GPATCH2: variants seen among roughly 807,000 people sequenced by gnomAD.
GPATCH2 encodes the protein G-patch domain containing 2.
GPATCH2 carries 51 observed loss-of-function variants against 58.0 expected under a neutral mutation model. The ratio of observed to expected loss-of-function variants is 0.88; its 90% CI spans 0.70 to 1.11. The LOEUF is 1.11. Among genes scored for constraint, GPATCH2 ranks in the 50% most tolerant of loss-of-function variants. The pLI, the probability that GPATCH2 is intolerant of heterozygous loss-of-function variation, is 0.00. For synonymous variants in GPATCH2, 222 were observed against 218.5 expected (o/e 1.02, Z -0.14); for missense variants, 625 against 652.2 (o/e 0.96, Z 0.45).
At chr1:217,565,663 G>C (rs1297811001) in intron 5 of GPATCH2, among the ~76,000 whole-genome samples, 1 of 152,058 alleles carries the variant, frequency 6.6e-6, no homozygotes, top group Non-Finnish European at 1.5e-5. Context: ...TAACTATTAA[G>C]ACAATTCATC....
chr1:217,533,188 C>A (rs988625686), intron 5 of GPATCH2, among the ~76,000 whole-genome samples: 15 of 151,868 alleles, frequency 9.9e-5, no homozygotes, highest in African/African-American at 3.4e-4. Flanking sequence ...GAATTACAGG[C>A]ATAAACCACC....
intron 9 of GPATCH2, among the ~76,000 whole-genome samples, chr1:217,437,374 C>T (rs1256393836): frequency 1.3e-5 from 2 of 152,088 alleles, no homozygotes; most frequent in African/African-American, 2.4e-5. Context: ...GGAATGACAG[C>T]GAGACACAAC....
intron 5 of GPATCH2, among the ~76,000 whole-genome samples, chr1:217,578,097 C>T (rs1303391743): frequency 1.1e-4 from 9 of 82,138 alleles, no homozygotes; most frequent in East Asian, 3.3e-4. Flanking sequence ...GGGCGGGGGG[C>T]GGGGATCACA....
intron 9 of GPATCH2, among the ~76,000 whole-genome samples, chr1:217,437,748 T>TA (rs1225550687): frequency 1.3e-5 from 2 of 152,062 alleles, no homozygotes; most frequent in Non-Finnish European, 2.9e-5. Context: ...GGCTTATAGA[T>TA]AAAAAACCCC....
rs1665707107 is a variant in GPATCH2 at position 217,557,584 on chromosome 1, G to C, written c.1099-42695C>G. Among the ~76,000 whole-genome samples the C allele has an allele frequency of 2.0e-5, 3 of 152,052 alleles. No homozygotes were observed. The South Asian group carries it at 6.2e-4, about 32-fold the overall frequency. On this transcript the variant is annotated intron_variant, in intron 5 of 9. Coordinates refer to ENST00000366935, the MANE Select transcript of GPATCH2 (RefSeq NM_018040.5). The stretch of plus-strand genomic sequence containing the variant: ...CACATTTCTGTATTAAACCCACTTG[G>C]AATCAATTTTTGTATGTGCTATCAG...
intron 5 of GPATCH2, among the ~76,000 whole-genome samples, chr1:217,587,808 C>T (rs542019972): frequency 1.3e-5 from 2 of 152,150 alleles, no homozygotes; most frequent in South Asian, 2.1e-4. Context: ...AGTAGGACGA[C>T]TAAAATACAT....
intron 5 of GPATCH2, among the ~76,000 whole-genome samples, chr1:217,600,135 AT>A (rs1388811107): frequency 6.6e-6 from 1 of 152,178 alleles, no homozygotes; most frequent in Non-Finnish European, 1.5e-5. Context: ...TAAGAGGAAG[AT>A]TAATGGCACA....
intron 8 of GPATCH2, among the ~76,000 whole-genome samples, chr1:217,488,893 C>T (rs1661583660): frequency 1.3e-5 from 2 of 151,052 alleles, no homozygotes; most frequent in Admixed American, 1.3e-4. Flanking sequence ...CAGAGTCTTG[C>T]ATGTTGCCCA....
chr1:217,576,077 T>C (rs972154847), intron 5 of GPATCH2, among the ~76,000 whole-genome samples: 4 of 152,098 alleles, frequency 2.6e-5, no homozygotes, highest in African/African-American at 7.2e-5. Context: ...CATAGGTAAA[T>C]ATATACACAC....
intron 5 of GPATCH2, among the ~76,000 whole-genome samples, chr1:217,526,475 G>T (rs573943455): frequency 6.6e-6 from 1 of 152,136 alleles, no homozygotes; most frequent in South Asian, 2.1e-4. Flanking sequence ...TATTCTTTGC[G>T]GTATGAATAA....
intron 1 of GPATCH2, among the ~76,000 whole-genome samples, chr1:217,621,616 T>C (rs1416749317): frequency 6.6e-6 from 1 of 152,250 alleles, no homozygotes; most frequent in African/African-American, 2.4e-5. Context: ...GGCTGTGTTC[T>C]AATAAAGTTT....
chr1:217,500,424 C>T (rs1174763967), intron 6 of GPATCH2, among the ~76,000 whole-genome samples: 1 of 151,966 alleles, frequency 6.6e-6, no homozygotes, highest in Admixed American at 6.6e-5. Context: ...CTTTGCTGCA[C>T]CTCTTGTTTC....
chr1:217,620,799 TC>T (rs1453405889), intron 1 of GPATCH2, among the ~76,000 whole-genome samples: 2 of 152,178 alleles, frequency 1.3e-5, no homozygotes, highest in Non-Finnish European at 2.9e-5. Flanking sequence ...TCTGTTTAAA[TC>T]CCTATCCGCT....
At chr1:217,572,866 G>GTTAATAT in intron 5 of GPATCH2, among the ~76,000 whole-genome samples, 1 of 152,172 alleles carries the variant, frequency 6.6e-6, no homozygotes, top group Admixed American at 6.5e-5. Context: ...CTGGGTGAAG[G>GTTAATAT]GAGGGTTAAT....
At chr1:217,515,353 CCCAAAGTGTT>C (rs1346094599) in intron 5 of GPATCH2, among the ~76,000 whole-genome samples, 3 of 152,050 alleles carry the variant, frequency 2.0e-5, no homozygotes, top group Non-Finnish European at 4.4e-5. Context: ...GCCTCGGCCT[CCCAAAGTGTT>C]GGGATTACAG....
intron 5 of GPATCH2, among the ~76,000 whole-genome samples, chr1:217,598,445 T>TAA (rs148641759): frequency 6.6e-6 from 1 of 151,498 alleles, no homozygotes; most frequent in African/African-American, 2.4e-5. Context: ...CCATCAACAT[T>TAA]AAAAAAAATT....
chr1:217,577,961 G>C (rs151198247), intron 5 of GPATCH2, among the ~76,000 whole-genome samples: 1 of 151,610 alleles, frequency 6.6e-6, no homozygotes, highest in Non-Finnish European at 1.5e-5. Flanking sequence ...TGGTCAGGCT[G>C]GTCTCGAACT....
chr1:217,494,148 TG>T (rs1661891515), intron 7 of GPATCH2, among the ~76,000 whole-genome samples: 1 of 152,222 alleles, frequency 6.6e-6, no homozygotes, highest in African/African-American at 2.4e-5. Context: ...TATATTATAA[TG>T]TGTTTTCTTC....
chr1:217,588,397 T>C (rs907916648), intron 5 of GPATCH2, among the ~76,000 whole-genome samples: 5 of 152,192 alleles, frequency 3.3e-5, no homozygotes, highest in African/African-American at 1.2e-4. Context: ...ATGGGAACAA[T>C]TTTTTCAACT....
Sources: gnomAD v4.1 joint callset for allele counts (sites outside exome capture counted in the v4.1 genomes callset) on GRCh38, gnomAD v4.1.1 for gene constraint, MANE v1.5 for transcripts, NCBI Gene and HGNC (gene_info 2026-07-23, HGNC 2026-07-21) for gene names.